The following CLECL1 variants were observed in gnomAD, a reference collection of about 807,000 sequenced individuals.
CLECL1 encodes the protein C-type lectin like 1, also known as C-type lectin-like domain family 1.
downstream of CLECL1, among the ~76,000 whole-genome samples, chr12:9,711,051 A>G (rs745372282): frequency 2.5e-4 from 38 of 152,278 alleles, no homozygotes; most frequent in Non-Finnish European, 4.0e-4. Context: ...GCTAAACTAG[A>G]AGAGCAAAAC....
chr12:9,705,999 TG>T, the CLECL1 span, among the ~76,000 whole-genome samples: 1 of 152,240 alleles, frequency 6.6e-6, no homozygotes, highest in Non-Finnish European at 1.5e-5. Context: ...ATTCTTCCTA[TG>T]CATAAGCATG....
At chr12:9,704,753 A>G in the CLECL1 span, among the ~76,000 whole-genome samples, 1 of 152,148 alleles carries the variant, frequency 6.6e-6, no homozygotes, top group Non-Finnish European at 1.5e-5. Flanking sequence ...GTTCCTTTTT[A>G]TGGCTGCATA....
intron 1 of CLECL1, among the ~76,000 whole-genome samples, chr12:9,729,747 G>C (rs1181968961): frequency 1.3e-5 from 2 of 151,914 alleles, no homozygotes; most frequent in Non-Finnish European, 2.9e-5. Flanking sequence ...GTAGGAGAGG[G>C]CCAAATAAAC....
At chr12:9,729,101 CTA>C (rs1482070155) in intron 2 of CLECL1, among the ~76,000 whole-genome samples, 1 of 151,960 alleles carries the variant, frequency 6.6e-6, no homozygotes, top group African/African-American at 2.4e-5. Context: ...AAAAATTGGA[CTA>C]TGTTTGGCTA....
At chr12:9,733,333 C>A, upstream of CLECL1, 4 of 1,056,056 alleles carry the variant, frequency 3.8e-6, no homozygotes, top group Non-Finnish European at 5.6e-6. Context: ...TTATTAATAC[C>A]ACAGAAGATA....
chr12:9,733,864 A>G (rs1011396868), upstream of CLECL1, among the ~76,000 whole-genome samples: 1 of 152,220 alleles, frequency 6.6e-6, no homozygotes, highest in Non-Finnish European at 1.5e-5. Flanking sequence ...CAATAACACA[A>G]AGGCTCAGGG....
At chr12:9,714,972 T>G (rs1241237300), downstream of CLECL1, among the ~76,000 whole-genome samples, 1 of 152,248 alleles carries the variant, frequency 6.6e-6, no homozygotes, top group Non-Finnish European at 1.5e-5. Flanking sequence ...CACTAGGATC[T>G]AGTCCTTTTC....
At chr12:9,719,322 C>G (rs534471125), downstream of CLECL1, among the ~76,000 whole-genome samples, 2 of 152,006 alleles carry the variant, frequency 1.3e-5, no homozygotes, top group Non-Finnish European at 2.9e-5. Context: ...GTCAGGAGAT[C>G]GAGACCATCC....
chr12:9,705,206 C>A, the CLECL1 span, among the ~76,000 whole-genome samples: 3 of 151,322 alleles, frequency 2.0e-5, no homozygotes, highest in African/African-American at 7.3e-5. Context: ...ACATGTATGT[C>A]TTCTTTTGAG....
At chr12:9,709,841 C>T in the CLECL1 span, among the ~76,000 whole-genome samples, 2 of 152,104 alleles carry the variant, frequency 1.3e-5, no homozygotes, top group African/African-American at 4.8e-5. Context: ...GTTGCAGAAA[C>T]GATCCCTGGG....
downstream of CLECL1, among the ~76,000 whole-genome samples, chr12:9,718,082 CTGT>C (rs1565480289): frequency 1.3e-5 from 2 of 151,968 alleles, no homozygotes; most frequent in Non-Finnish European, 2.9e-5. Context: ...ATTTAAAAGT[CTGT>C]TGTTTAACTT....
upstream of CLECL1, among the ~76,000 whole-genome samples, chr12:9,734,067 A>C (rs890765841): frequency 6.6e-6 from 1 of 152,248 alleles, no homozygotes; most frequent in Non-Finnish European, 1.5e-5. Flanking sequence ...AAATGGCAGG[A>C]TCCATTAGCT....
chr12:9,720,445 C>T (rs1395733720), downstream of CLECL1, among the ~76,000 whole-genome samples: 1 of 151,016 alleles, frequency 6.6e-6, no homozygotes, highest in Non-Finnish European at 1.5e-5. Flanking sequence ...CAGGTTCAAG[C>T]GATTCTCCTG....
chr12:9,710,782 C>T, the CLECL1 span, among the ~76,000 whole-genome samples: 2 of 152,186 alleles, frequency 1.3e-5, no homozygotes, highest in African/African-American at 4.8e-5. Flanking sequence ...CAGAACAATG[C>T]AGAGTTTGGC....
At chr12:9,704,806 T>C in the CLECL1 span, among the ~76,000 whole-genome samples, 2 of 152,218 alleles carry the variant, frequency 1.3e-5, no homozygotes, top group Non-Finnish European at 2.9e-5. Context: ...TTATCCAGTC[T>C]ATCGTTGATG....
downstream of CLECL1, among the ~76,000 whole-genome samples, chr12:9,721,778 A>G (rs758485700): frequency 1.3e-5 from 2 of 152,214 alleles, no homozygotes; most frequent in Non-Finnish European, 2.9e-5. Context: ...AAGGTCTCTT[A>G]TCAATTCCTA....
At chr12:9,721,541 A>G (rs1266031935), downstream of CLECL1, among the ~76,000 whole-genome samples, 1 of 152,170 alleles carries the variant, frequency 6.6e-6, no homozygotes, top group African/African-American at 2.4e-5. Flanking sequence ...GTTCTCCTAA[A>G]TCTGGTTTAC....
chr12:9,714,488 C>T (rs1231475871), downstream of CLECL1, among the ~76,000 whole-genome samples: 1 of 152,206 alleles, frequency 6.6e-6, no homozygotes, highest in East Asian at 1.9e-4. Context: ...TGGGCCTAAA[C>T]AGCCTGCAGC....
intron 3 of CLECL1, among the ~76,000 whole-genome samples, chr12:9,726,151 A>T (rs7962964): frequency 0.22 from 32,755 of 151,886 alleles, 4,410 homozygotes; most frequent in African/African-American, 0.39. Flanking sequence ...CAACATATCA[A>T]TAGGAAATAC....
Sources: gnomAD v4.1 joint callset for allele counts (sites outside exome capture counted in the v4.1 genomes callset) on GRCh38, gnomAD v4.1.1 for gene constraint, MANE v1.5 for transcripts, NCBI Gene and HGNC (gene_info 2026-07-23, HGNC 2026-07-21) for gene names.